Variants in ATP8B4 observed in about 807,000 individuals in gnomAD.
The protein encoded by ATP8B4 is ATPase phospholipid transporting 8B4 (putative), also known as probable phospholipid-transporting ATPase IM.
A neutral mutation model predicts 145.6 loss-of-function variants in ATP8B4; 133 were observed. That is an observed-to-expected ratio of 0.91 (90% CI 0.79 to 1.05). The LOEUF is 1.05. Among genes scored for constraint, ATP8B4 ranks in the 50% least tolerant of loss-of-function variants. The pLI, the probability that ATP8B4 is intolerant of heterozygous loss-of-function variation, is 0.00. For synonymous variants in ATP8B4, 507 were observed against 492.9 expected, an observed-to-expected ratio of 1.03 and a Z score of -0.38; for missense variants, 1,458 against 1,425.2, an observed-to-expected ratio of 1.02 and a Z score of -0.37.
intron 3 of ATP8B4, among the ~76,000 whole-genome samples, chr15:50,054,932 C>A (rs577438658): frequency 6.6e-6 from 1 of 151,786 alleles, no homozygotes; most frequent in Non-Finnish European, 1.5e-5. Flanking sequence ...CTTAGTTTCA[C>A]GAACTGGATA....
intron 19 of ATP8B4, 80 bp downstream of exon 19, chr15:49,918,759 C>A (rs1013818738): frequency 9.9e-7 from 1 of 1,010,008 alleles, no homozygotes. Context: ...AATTAATTAA[C>A]CTTTCTGGTT....
At chr15:50,051,019 T>C (rs2052145268) in intron 3 of ATP8B4, among the ~76,000 whole-genome samples, 1 of 152,222 alleles carries the variant, frequency 6.6e-6, no homozygotes, top group African/African-American at 2.4e-5. Context: ...TTTTAACATT[T>C]GATATGGTTG....
chr15:49,933,765 A>G (rs1599244650), intron 15 of ATP8B4, among the ~76,000 whole-genome samples: 1 of 152,124 alleles, frequency 6.6e-6, no homozygotes, highest in South Asian at 2.1e-4. Flanking sequence ...TCACTTTTCC[A>G]TTGTCCTTGT....
At chr15:50,057,573 T>G (rs777266166) in intron 3 of ATP8B4, among the ~76,000 whole-genome samples, 9 of 152,206 alleles carry the variant, frequency 5.9e-5, no homozygotes, top group Non-Finnish European at 1.3e-4. Flanking sequence ...GAGCAGTCAC[T>G]TCCAGTCCTT....
At chr15:49,910,497 C>A (rs1846261532) in intron 20 of ATP8B4, among the ~76,000 whole-genome samples, 2 of 152,154 alleles carry the variant, frequency 1.3e-5, no homozygotes, top group African/African-American at 4.8e-5. Context: ...GGAGGCCCAG[C>A]AATCCCCAAA....
intron 1 of ATP8B4, among the ~76,000 whole-genome samples, chr15:50,160,834 A>AC (rs1239228873): frequency 6.6e-6 from 1 of 151,986 alleles, no homozygotes; most frequent in Non-Finnish European, 1.5e-5. Flanking sequence ...AAGGAGAAGG[A>AC]CTGTATATTC....
At chr15:50,156,505 C>CT (rs1287008689) in intron 1 of ATP8B4, among the ~76,000 whole-genome samples, 1 of 152,036 alleles carries the variant, frequency 6.6e-6, no homozygotes, top group Non-Finnish European at 1.5e-5. Context: ...CACCCCCTCT[C>CT]TTTTTTTGGC....
intron 1 of ATP8B4, among the ~76,000 whole-genome samples, chr15:50,164,986 T>G (rs771617405): frequency 1.3e-5 from 2 of 152,188 alleles, no homozygotes; most frequent in Non-Finnish European, 2.9e-5. Context: ...TGGGAAGGGT[T>G]GTGTAGGCAA....
At chr15:49,893,497 C>T (rs747671516) in intron 23 of ATP8B4, among the ~76,000 whole-genome samples, 19 of 152,122 alleles carry the variant, frequency 1.2e-4, no homozygotes, top group Admixed American at 2.6e-4. Flanking sequence ...CTGCCACATG[C>T]TACAACATGG....
intron 1 of ATP8B4, among the ~76,000 whole-genome samples, chr15:50,151,663 T>C (rs770150297): frequency 6.1e-5 from 9 of 147,822 alleles, no homozygotes; most frequent in Non-Finnish European, 1.0e-4. Context: ...GGTGGGATGA[T>C]CACTTAAGCC....
At chr15:49,895,894 T>C (rs1380299776) in intron 23 of ATP8B4, 1 of 152,178 alleles carries the variant, frequency 6.6e-6, no homozygotes, top group Non-Finnish European at 1.5e-5. Flanking sequence ...TTCTAAGAGT[T>C]TTTAAATGGG....
chr15:50,128,086 G>A (rs549015326), intron 1 of ATP8B4, among the ~76,000 whole-genome samples: 5 of 152,284 alleles, frequency 3.3e-5, no homozygotes, highest in African/African-American at 1.2e-4. Flanking sequence ...CCAGTGTTTC[G>A]TTTTGTATCC....
intron 20 of ATP8B4, among the ~76,000 whole-genome samples, chr15:49,914,013 T>G (rs1210223230): frequency 6.6e-6 from 1 of 152,088 alleles, no homozygotes; most frequent in Non-Finnish European, 1.5e-5. Flanking sequence ...AGAGCCCAAA[T>G]AGCCAAAGCA....
intron 6 of ATP8B4, among the ~76,000 whole-genome samples, chr15:50,035,016 T>C (rs2050733334): frequency 6.6e-6 from 1 of 152,228 alleles, no homozygotes; most frequent in African/African-American, 2.4e-5. Context: ...CCACCGCTAC[T>C]TACTTTTAAA....
At chr15:50,168,454 G>A (rs1266363481) in intron 1 of ATP8B4, among the ~76,000 whole-genome samples, 1 of 152,136 alleles carries the variant, frequency 6.6e-6, no homozygotes, top group Non-Finnish European at 1.5e-5. Flanking sequence ...AGGTTTCCGA[G>A]GTTACTTGAA....
At chr15:49,893,124 T>C (rs2037012362) in intron 23 of ATP8B4, among the ~76,000 whole-genome samples, 1 of 152,216 alleles carries the variant, frequency 6.6e-6, no homozygotes, top group Non-Finnish European at 1.5e-5. Flanking sequence ...ATACTTTTGA[T>C]TGTAAAGACA....
chr15:50,107,434 G>C (rs2056740072), intron 1 of ATP8B4, among the ~76,000 whole-genome samples: 1 of 152,136 alleles, frequency 6.6e-6, no homozygotes, highest in African/African-American at 2.4e-5. Flanking sequence ...CCAGGCTCTA[G>C]AGAAACAAAA....
chr15:49,909,257 T>C (rs914819733), intron 20 of ATP8B4, among the ~76,000 whole-genome samples: 5 of 152,048 alleles, frequency 3.3e-5, no homozygotes, highest in African/African-American at 9.7e-5. Flanking sequence ...TCCCAGAGAC[T>C]GGAAGACAGA....
chr15:49,877,749 C>T (rs927654394), intron 24 of ATP8B4, among the ~76,000 whole-genome samples: 1 of 152,108 alleles, frequency 6.6e-6, no homozygotes, highest in Non-Finnish European at 1.5e-5. Flanking sequence ...GGAACTATCG[C>T]CATGATTAAA....
Sources: gnomAD v4.1 joint callset for allele counts (sites outside exome capture counted in the v4.1 genomes callset) on GRCh38, gnomAD v4.1.1 for gene constraint, MANE v1.5 for transcripts, NCBI Gene and HGNC (gene_info 2026-07-23, HGNC 2026-07-21) for gene names.